FBN1: variants seen among roughly 807,000 people sequenced by gnomAD.
FBN1 encodes the protein fibrillin 1.
FBN1 carries 29 observed loss-of-function variants against 365.1 expected under a neutral mutation model. The ratio of observed to expected loss-of-function variants is 0.08; its 90% CI spans 0.06 to 0.11. The LOEUF is 0.11. Ranked by LOEUF, FBN1 falls within the 10% of genes least tolerant of loss-of-function variation. FBN1 has a pLI of 1.00. For missense variants in FBN1, 2,476 were observed against 3,703.2 expected, an observed-to-expected ratio of 0.67 and a Z score of 8.60; for synonymous variants, 1,210 against 1,270.5, an observed-to-expected ratio of 0.95 and a Z score of 1.01.
chr15:48,428,295 A>ATCCCAGTGTGGAGGC (rs1461712880), intron 57 of FBN1, 51 bp downstream of exon 57: 1 of 1,603,736 alleles, frequency 6.2e-7, no homozygotes, highest in East Asian at 2.2e-5. Flanking sequence ...GGTTTCCAGC[A>ATCCCAGTGTGGAGGC]TCCCAGTGTG....
chr15:48,427,929 G>C (rs1441881245), intron 57 of FBN1, 156 bp from the exon 58 acceptor site: 1 of 725,862 alleles, frequency 1.4e-6, no homozygotes. Context: ...AGCAGTAAAA[G>C]AGAAAGGATG....
chr15:48,426,197 C>T (rs1440847786), intron 58 of FBN1, among the ~76,000 whole-genome samples: 1 of 152,194 alleles, frequency 6.6e-6, no homozygotes, highest in Non-Finnish European at 1.5e-5. Flanking sequence ...CATCTCATGC[C>T]ATTAAGCTTG....
intron 6 of FBN1, among the ~76,000 whole-genome samples, chr15:48,554,159 T>A (rs2044163053): frequency 6.6e-6 from 1 of 152,152 alleles, no homozygotes; most frequent in Non-Finnish European, 1.5e-5. Context: ...CAAGGGTAAA[T>A]CAAAACACAG....
chr15:48,436,949 C>T lies in FBN1; in HGVS notation c.6496+12G>A, dbSNP rs899879407. The T allele has an allele frequency of 1.3e-6, 2 of 1,504,886 alleles. No homozygotes were observed. The highest frequency in any genetic ancestry group is 3.3e-5 in the Admixed American group (2 of 59,824). 93.2% of individuals were successfully genotyped at this position (1,504,886 alleles called of 1,614,324 possible). On this transcript the variant is annotated intron_variant, in intron 53 of 65. Coordinates refer to ENST00000316623, the MANE Select transcript of FBN1 (RefSeq NM_000138.5). ...TTTGTAAAGTTCCTATGGAAGAAAA[C>T]TTATTACTCACCTACACATTCATTC...
intron 6 of FBN1, among the ~76,000 whole-genome samples, chr15:48,582,592 G>A (rs1045852001): frequency 2.0e-5 from 3 of 152,178 alleles, no homozygotes; most frequent in African/African-American, 7.2e-5. Context: ...GCCACGACTT[G>A]TCCAAACAGC....
At chr15:48,526,056 A>C in intron 9 of FBN1, 74 bp downstream of exon 9, 1 of 1,587,472 alleles carries the variant, frequency 6.3e-7, no homozygotes, top group Non-Finnish European at 8.6e-7. Context: ...GCTCCTTAAC[A>C]AGCTTGTTTA....
At chr15:48,428,173 G>A (rs918322921) in intron 57 of FBN1, 173 bp downstream of exon 57, 5 of 797,412 alleles carry the variant, frequency 6.3e-6, no homozygotes, top group South Asian at 3.2e-5. Flanking sequence ...TAGCTGCAGG[G>A]TGGTGCTGAG....
rs777727844 is a variant in FBN1 at position 48,487,370 on chromosome 15, A to T, written c.3405T>A (p.Ser1135Arg). Residue 1135 changes from serine to arginine, a missense_variant, in exon 28 of 66, where the codon AGT becomes AGA. Ser to Arg is a moderately radical substitution (Grantham distance 110, BLOSUM62 -1). Around this residue, in one of 5 missense-constraint regions of FBN1, gnomAD observed 1,780 missense variants for 2,840.8 expected, o/e 0.63. Transcript: ENST00000316623. The stretch of plus-strand genomic sequence containing the variant: ...GGCCAGGCGGGCATTCACAGCGGTA[A>T]CTTCCCTCTGTGTTATGGCAAACAC... ...RGGVCHNTEG[S>R]YRCECPPGHQ... is the part of the protein sequence containing the mutation. 4 of 1,614,096 alleles carry T rather than the reference A, an allele frequency of 2.5e-6. No homozygotes were observed. Among genetic ancestry groups the T allele is most frequent in the Non-Finnish European group, 3.4e-6 (4 of 1,180,040 alleles).
chr15:48,561,642 CAATTTT>C (rs1352593093), intron 6 of FBN1, among the ~76,000 whole-genome samples: 1 of 152,118 alleles, frequency 6.6e-6, no homozygotes, highest in Admixed American at 6.6e-5. Context: ...ACTTTATCAA[CAATTTT>C]TGATTCATCC....
At chr15:48,472,464 A>T in intron 35 of FBN1, 87 bp downstream of exon 35, 9 of 1,486,442 alleles carry the variant, frequency 6.1e-6, no homozygotes, top group Admixed American at 2.1e-5. Context: ...AGTTTAAAAA[A>T]AAAAAAAAAA....
chr15:48,501,954 A>G (rs1324138418), intron 17 of FBN1, among the ~76,000 whole-genome samples: 3 of 152,264 alleles, frequency 2.0e-5, no homozygotes, highest in Non-Finnish European at 4.4e-5. Context: ...ACATAAAATG[A>G]TAATTTCTAT....
Position 48,474,371 on chromosome 15 carries a change from T to C in FBN1, c.4094A>G (p.Asp1365Gly), listed in dbSNP as rs794728217. The C allele has an allele frequency of 6.2e-7, 1 of 1,614,130 alleles. No homozygotes were observed. ...IGDGIKCTDL[D>G]ECSNGTHMCS... Reference sequence around the variant, plus strand: ...CATATGGGTTCCATTGGAACATTCGTCCAGATCTTATAGAAAAAGGTTATA... The same window carrying C: ...CATATGGGTTCCATTGGAACATTCGCCCAGATCTTATAGAAAAAGGTTATA... The change falls in exon 34 of 66, where the codon GAC becomes GGC. Residue 1365 changes from aspartate to glycine, a missense_variant. Physicochemically the swap from Asp to Gly is moderately conservative, Grantham distance 94 (BLOSUM62 -1). Transcript: ENST00000316623.
chr15:48,541,274 G>A (rs187625611), intron 6 of FBN1, among the ~76,000 whole-genome samples: 163 of 152,250 alleles, frequency 1.1e-3, no homozygotes, highest in African/African-American at 3.9e-3. Flanking sequence ...TATATTTGGC[G>A]AATACTTTAT....
chr15:48,431,004 T>C (rs1472102437), intron 55 of FBN1, among the ~76,000 whole-genome samples: 1 of 152,146 alleles, frequency 6.6e-6, no homozygotes, highest in Non-Finnish European at 1.5e-5. Context: ...CTTGAAGAAA[T>C]TGCTCCCTAA....
chr15:48,493,961 T>C (rs367993053), intron 23 of FBN1, among the ~76,000 whole-genome samples: 27 of 152,380 alleles, frequency 1.8e-4, no homozygotes, highest in African/African-American at 6.0e-4. Context: ...CTCTCTAAAC[T>C]GCGATCAACC....
chr15:48,581,148 T>C (rs898712190), intron 6 of FBN1, among the ~76,000 whole-genome samples: 5 of 152,180 alleles, frequency 3.3e-5, no homozygotes, highest in Admixed American at 6.5e-5. Flanking sequence ...GTATTGACCA[T>C]CTACTCTGTG....
intron 36 of FBN1, among the ~76,000 whole-genome samples, chr15:48,469,154 A>AAAATATAATATATATT (rs1333974872): frequency 6.7e-6 from 1 of 148,636 alleles, no homozygotes; most frequent in African/African-American, 2.4e-5. Flanking sequence ...ATATATATAT[A>AAAATATAATATATATT]ACTTTGGCAC....
intron 9 of FBN1, among the ~76,000 whole-genome samples, chr15:48,524,069 GA>G (rs1275716787): frequency 3.3e-5 from 5 of 152,156 alleles, no homozygotes; most frequent in Non-Finnish European, 2.9e-5. Flanking sequence ...CAGGAGTTAG[GA>G]GTTGTGAGGC....
chr15:48,517,245 C>A lies in FBN1; in HGVS notation c.1148-883G>T, dbSNP rs1303859088. Among the ~76,000 whole-genome samples the A allele has an allele frequency of 2.6e-5, 4 of 152,094 alleles. No individual in the cohort carries two copies. In the East Asian group the frequency reaches 5.8e-4, roughly 22 times the overall value. ...GAAGCTTAGACGAATCAAGGCTAGA[C>A]GTGAGTTTCAGAGTCATCAGTACAG... On this transcript the variant is annotated intron_variant, in intron 10 of 65. Coordinates refer to ENST00000316623, the MANE Select transcript of FBN1 (RefSeq NM_000138.5).
Sources: allele counts gnomAD v4.1 joint callset (sites outside exome capture counted in the v4.1 genomes callset), GRCh38; gene constraint gnomAD v4.1.1; regional missense constraint gnomAD v4.1.1; transcripts MANE v1.5; gene names NCBI Gene and HGNC (gene_info 2026-07-23, HGNC 2026-07-21).